The following SNTG2 variants were observed in gnomAD, a reference collection of about 807,000 sequenced individuals.
SNTG2 encodes the protein gamma-2-syntrophin.
In SNTG2, 74 loss-of-function variants were observed where a neutral mutation model predicts 70.9. That is an observed-to-expected ratio of 1.04 (90% CI 0.86 to 1.27). The LOEUF (loss-of-function observed/expected upper bound fraction) is 1.27, where lower values mean the gene tolerates loss of function less well. Ranked by LOEUF, SNTG2 falls within the 50% of genes most tolerant of loss-of-function variation. The pLI, the probability that SNTG2 is intolerant of heterozygous loss-of-function variation, is 0.00. For synonymous variants in SNTG2, 278 were observed against 273.8 expected (o/e 1.02, Z -0.15); for missense variants, 717 against 690.7 (o/e 1.04, Z -0.43).
At chr2:1,129,041 T>C (rs1254343335) in intron 4 of SNTG2, among the ~76,000 whole-genome samples, 2 of 152,188 alleles carry the variant, frequency 1.3e-5, no homozygotes, top group African/African-American at 2.4e-5. Context: ...AGAAAAATGT[T>C]ATACAGCAGA....
chr2:1,209,204 G>T lies in SNTG2; in HGVS notation c.693G>T (p.Arg231Ser). The T allele has an allele frequency of 6.2e-7, 1 of 1,613,928 alleles. No individual in the cohort carries two copies. The highest frequency in any genetic ancestry group is 1.1e-5 in the South Asian group (1 of 91,080). ...CTCTGTCCATGGCTCGCATCTCAAG[G>T]TACAAAGCCGGAACGGAAAAATTAA... ...SVPLSMARIS[R>S]YKAGTEKLRW... The change falls in exon 9 of 17, where the codon AGG becomes AGT. Residue 231 changes from arginine (R) to serine (S), a missense_variant. Arg to Ser is a moderately radical substitution (Grantham distance 110). Transcript: ENST00000308624.
At chr2:977,017 G>A (rs977849817) in intron 1 of SNTG2, among the ~76,000 whole-genome samples, 9 of 152,172 alleles carry the variant, frequency 5.9e-5, no homozygotes, top group Non-Finnish European at 1.2e-4. Context: ...AGCCCCACCT[G>A]GCAGACACCA....
chr2:1,147,053 G>A (rs1019603264), intron 6 of SNTG2, among the ~76,000 whole-genome samples: 1 of 152,098 alleles, frequency 6.6e-6, no homozygotes, highest in Non-Finnish European at 1.5e-5. Flanking sequence ...TTTAAGTATT[G>A]TTAACTTTAT....
chr2:981,558 CAT>C (rs1331831188), intron 1 of SNTG2, among the ~76,000 whole-genome samples: 2 of 152,080 alleles, frequency 1.3e-5, no homozygotes, highest in Admixed American at 6.5e-5. Context: ...TGCACACACA[CAT>C]GCCTGCACAC....
chr2:1,005,052 A>AT (rs972382871), intron 1 of SNTG2, among the ~76,000 whole-genome samples: 47 of 152,336 alleles, frequency 3.1e-4, no homozygotes, highest in African/African-American at 9.9e-4. Context: ...GGAAATTTAC[A>AT]TGCAAATTAC....
intron 6 of SNTG2, among the ~76,000 whole-genome samples, chr2:1,164,851 C>T (rs1294125429): frequency 6.6e-6 from 1 of 151,640 alleles, no homozygotes; most frequent in African/African-American, 2.4e-5. Context: ...GAGGAGGATA[C>T]AGCAGAGGAG....
At chr2:1,127,220 T>C (rs1409922352) in intron 4 of SNTG2, among the ~76,000 whole-genome samples, 1 of 151,980 alleles carries the variant, frequency 6.6e-6, no homozygotes, top group Non-Finnish European at 1.5e-5. Context: ...GAAGAGAAAA[T>C]GTTCTCAATG....
chr2:1,104,334 A>G (rs1665980289), intron 4 of SNTG2, among the ~76,000 whole-genome samples: 1 of 152,242 alleles, frequency 6.6e-6, no homozygotes, highest in South Asian at 2.1e-4. Flanking sequence ...TAGTGAAATT[A>G]TTAAACCTGA....
intron 1 of SNTG2, among the ~76,000 whole-genome samples, chr2:1,004,710 G>T (rs77703880): frequency 1.0e-3 from 153 of 152,340 alleles, no homozygotes; most frequent in African/African-American, 3.6e-3. Context: ...CGTTGTGGGT[G>T]TGAATGCAAG....
At position 1,250,770 on chromosome 2, in the gene SNTG2, G is replaced by A. The variant is rs1677708845; in HGVS notation, c.1005+3327G>A. Among the ~76,000 whole-genome samples, 4 of 151,840 alleles carry A rather than the reference G, an allele frequency of 2.6e-5. No individual in the cohort carries two copies. The South Asian group carries it at 8.3e-4, about 32-fold the overall frequency. On this transcript the variant is annotated intron_variant, in intron 12 of 16. Transcript: ENST00000308624. Reference sequence around the variant, plus strand: ...GTCTCTCCTTCTCTGCCCACTCTTTGCTCTTCTCGAGGTCTCTTCCTTTAC... The same window carrying A: ...GTCTCTCCTTCTCTGCCCACTCTTTACTCTTCTCGAGGTCTCTTCCTTTAC...
chr2:1,160,475 C>T (rs1211193986), intron 6 of SNTG2: 1 of 152,212 alleles, frequency 6.6e-6, no homozygotes, highest in Non-Finnish European at 1.5e-5. Context: ...ATGTGTTGTG[C>T]TCTTCTCTGC....
intron 4 of SNTG2, among the ~76,000 whole-genome samples, chr2:1,114,797 G>C (rs542406551): frequency 6.6e-6 from 1 of 152,068 alleles, no homozygotes. Context: ...ACTAAGGGAA[G>C]TTTAACCCTT....
At chr2:1,341,226 C>T (rs1660069675) in intron 16 of SNTG2, 1 of 152,166 alleles carries the variant, frequency 6.6e-6, no homozygotes. Flanking sequence ...GCTTTCTGTA[C>T]ACATCAGGAA....
intron 1 of SNTG2, among the ~76,000 whole-genome samples, chr2:1,021,577 TG>T (rs1293357419): frequency 6.6e-6 from 1 of 152,102 alleles, no homozygotes; most frequent in Non-Finnish European, 1.5e-5. Flanking sequence ...ACTTATTTTT[TG>T]CCTTGACTTC....
chr2:983,040 CTGCAGAGGTGGTGTCAGGATGAAGAAGT>C (rs1661166597), intron 1 of SNTG2, among the ~76,000 whole-genome samples: 3 of 149,592 alleles, frequency 2.0e-5, no homozygotes, highest in Admixed American at 6.7e-5. Context: ...GATGAAGAAG[CTGCAGAGGTGGTGTCAGGATGAAGAAGT>C]TGCAGAGGTG....
At chr2:1,362,227 C>A (rs1346155549) in intron 16 of SNTG2, among the ~76,000 whole-genome samples, 1 of 150,702 alleles carries the variant, frequency 6.6e-6, no homozygotes, top group Non-Finnish European at 1.5e-5. Context: ...CGAAGGTCAC[C>A]AACACTGAGT....
At chr2:1,178,738 C>T (rs1457742576) in intron 8 of SNTG2, among the ~76,000 whole-genome samples, 1 of 151,816 alleles carries the variant, frequency 6.6e-6, no homozygotes, top group Non-Finnish European at 1.5e-5. Context: ...CATCAATGTT[C>T]ATCAAGGATA....
In SNTG2 at chr2:951,063, G is replaced by A; in HGVS notation, c.67G>A (p.Ala23Thr). 1 of 1,266,568 alleles carries A rather than the reference G, an allele frequency of 7.9e-7. No individual in the cohort carries two copies. Among genetic ancestry groups the A allele is most frequent in the Non-Finnish European group, 9.9e-7 (1 of 1,009,284 alleles). 78.5% of individuals were successfully genotyped at this position (1,266,568 alleles called of 1,614,324 possible). Residue 23 changes from alanine (A) to threonine (T), a missense_variant, in exon 1 of 17, where the codon GCG becomes ACG. Ala to Thr is a moderately conservative substitution (Grantham distance 58, BLOSUM62 0). Transcript: ENST00000308624. Reference sequence around the variant, plus strand: ...ACGCCAGGGCTGCCTGCTGGTACCTGCGCGGGTGAGTGCGGCCCCTCAGCG... The same window carrying A: ...ACGCCAGGGCTGCCTGCTGGTACCTACGCGGGTGAGTGCGGCCCCTCAGCG... ...RGRQGCLLVP[A>T]RTKTTIALLY...
chr2:1,066,066 A>G (rs1391461709), intron 1 of SNTG2, among the ~76,000 whole-genome samples: 1 of 152,242 alleles, frequency 6.6e-6, no homozygotes, highest in East Asian at 1.9e-4. Flanking sequence ...CATTATAACT[A>G]GGCTCACACA....
Sources: gnomAD v4.1 joint callset for allele counts (sites outside exome capture counted in the v4.1 genomes callset) on GRCh38, gnomAD v4.1.1 for gene constraint, MANE v1.5 for transcripts, NCBI Gene and HGNC (gene_info 2026-07-23, HGNC 2026-07-21) for gene names.